The following AGBL1 variants were observed in gnomAD, a reference collection of about 807,000 sequenced individuals.
The protein encoded by AGBL1 is AGBL carboxypeptidase 1.
Under a neutral mutation model 118.9 loss-of-function variants are expected in AGBL1, and 130 were observed. The observed-to-expected ratio is 1.09, with a 90% confidence interval of 0.95 to 1.26. The LOEUF is 1.26. AGBL1 is among the 50% of genes most tolerant of loss of function. The pLI is 0.00. For synonymous variants in AGBL1, 555 were observed against 478.9 expected (o/e 1.16, Z -2.08); for missense variants, 1,584 against 1,298.1 (o/e 1.22, Z -3.38).
At chr15:86,212,873 C>T (rs1447474539) in intron 5 of AGBL1, among the ~76,000 whole-genome samples, 1 of 152,210 alleles carries the variant, frequency 6.6e-6, no homozygotes, top group African/African-American at 2.4e-5. Flanking sequence ...TGGTTTCGAA[C>T]TGTTGACCTC....
intron 22 of AGBL1, among the ~76,000 whole-genome samples, chr15:86,869,068 C>G (rs767908886): frequency 6.6e-6 from 1 of 152,306 alleles, no homozygotes; most frequent in East Asian, 1.9e-4. Flanking sequence ...TGTCAACTGC[C>G]TTGGTGGCAG....
intron 17 of AGBL1, among the ~76,000 whole-genome samples, chr15:86,333,449 C>T (rs2141867282): frequency 6.6e-6 from 1 of 152,188 alleles, no homozygotes. Flanking sequence ...TGGATAAATT[C>T]CTGGAAACAC....
Position 86,264,393 on chromosome 15 carries a change from G to A in AGBL1, c.1222G>A (p.Glu408Lys). The A allele has an allele frequency of 6.2e-7, 1 of 1,613,926 alleles. No individual in the cohort carries two copies. The highest frequency in any genetic ancestry group is 8.5e-7 in the Non-Finnish European group (1 of 1,179,866). The change falls in exon 11 of 23, where the codon GAA becomes AAA. Residue 408 changes from glutamate (E) to lysine (K), a missense_variant. Transcript: ENST00000614907. ...KDQSSCGQER[E>K]YAVQTSLLCR... ...CCAAAGCTCCTGTGGGCAAGAAAGA[G>A]AATATGCTGTCCAGACTTCCCTTCT...
At chr15:86,672,437 T>C (rs778389849) in intron 21 of AGBL1, among the ~76,000 whole-genome samples, 4 of 152,174 alleles carry the variant, frequency 2.6e-5, no homozygotes, top group African/African-American at 9.7e-5. Context: ...GACTCCTTCT[T>C]TTAACCTCTA....
At chr15:86,473,635 T>C (rs753169945) in intron 18 of AGBL1, among the ~76,000 whole-genome samples, 2 of 152,202 alleles carry the variant, frequency 1.3e-5, no homozygotes, top group Non-Finnish European at 1.5e-5. Flanking sequence ...TCTGAGACAG[T>C]ATTTCAATGA....
chr15:86,225,019 C>T (rs965777654), intron 6 of AGBL1, 68 bp downstream of exon 6: 9 of 1,468,576 alleles, frequency 6.1e-6, no homozygotes, highest in African/African-American at 1.4e-5. Flanking sequence ...ACTTTCTGGT[C>T]CCCATGGCTG....
intron 20 of AGBL1, among the ~76,000 whole-genome samples, chr15:86,552,131 T>C (rs1307711665): frequency 6.6e-6 from 1 of 152,196 alleles, no homozygotes; most frequent in African/African-American, 2.4e-5. Context: ...TCATGTAAAC[T>C]ATAGACTTTG....
Position 86,909,793 on chromosome 15 carries a change from A to C in AGBL1, c.*2499A>C, listed in dbSNP as rs887584876. On this transcript the variant is annotated 3_prime_UTR_variant, in exon 23 of 23. Coordinates refer to ENST00000614907, the MANE Select transcript of AGBL1 (RefSeq NM_001386094.1). The stretch of plus-strand genomic sequence containing the variant: ...GAGGTGGGAATGATGCTAGCTTATC[A>C]TTAATTATTATTTCAGCCCAAATTA... 3 of 152,216 alleles carry C rather than the reference A, an allele frequency of 2.0e-5. No individual in the cohort carries two copies. Among genetic ancestry groups the C allele is most frequent in the African/African-American group, 7.2e-5 (3 of 41,460 alleles). The allele number at this position is 152,216 out of a possible 1,614,324, so 9.4% of individuals were successfully genotyped here. A position where few individuals can be genotyped will look rare whatever the true frequency, so the allele number is the denominator to read the frequency against.
At chr15:86,544,302 C>A (rs75228920) in intron 19 of AGBL1, among the ~76,000 whole-genome samples, 2,985 of 152,204 alleles carry the variant, frequency 0.02, 87 homozygotes, top group African/African-American at 0.068. Flanking sequence ...AGCAGCCCAG[C>A]CTATGTTTAC....
chr15:86,674,492 A>G (rs1234346406), intron 22 of AGBL1, 56 bp downstream of exon 22: 1 of 1,524,298 alleles, frequency 6.6e-7, no homozygotes, highest in South Asian at 1.2e-5. Context: ...CCATTGCTCA[A>G]TATCTCAGTA....
chr15:86,476,714 C>T (rs1419830772), intron 18 of AGBL1, among the ~76,000 whole-genome samples: 2 of 152,176 alleles, frequency 1.3e-5, no homozygotes, highest in East Asian at 1.9e-4. Context: ...TTGAACTCAG[C>T]TCTGCACCAA....
intron 22 of AGBL1, among the ~76,000 whole-genome samples, chr15:86,688,641 A>G (rs1162672415): frequency 1.3e-5 from 2 of 152,180 alleles, no homozygotes; most frequent in African/African-American, 4.8e-5. Flanking sequence ...CATTACTCAA[A>G]CTACCAAATA....
chr15:86,256,913 C>G lies in AGBL1; in HGVS notation c.796C>G (p.Gln266Glu), dbSNP rs935027822. The G allele has an allele frequency of 6.2e-7, 1 of 1,613,814 alleles. No homozygotes were observed. Among genetic ancestry groups the G allele is most frequent in the Non-Finnish European group, 8.5e-7 (1 of 1,179,890 alleles). ...VISVVLQILR[Q>E]CYPTSPLPLV... The stretch of plus-strand genomic sequence containing the variant: ...CTCTGTGGTGCTTCAGATCCTGAGG[C>G]AGTGCTACCCTACGAGTCCACTTCC... Residue 266 changes from glutamine to glutamate, a missense_variant, in exon 8 of 23, where the codon CAG (glutamine) becomes GAG (glutamate). Physicochemically the swap from Gln to Glu is conservative, Grantham distance 29. Coordinates refer to ENST00000614907, the MANE Select transcript of AGBL1 (RefSeq NM_001386094.1).
At chr15:86,196,705 C>T (rs1426054229) in intron 5 of AGBL1, among the ~76,000 whole-genome samples, 1 of 152,022 alleles carries the variant, frequency 6.6e-6, no homozygotes, top group East Asian at 1.9e-4. Flanking sequence ...GAAGCCCTAA[C>T]CCCCAATGTT....
chr15:86,995,976 A>G (rs2081376646), intron 24 of AGBL1, among the ~76,000 whole-genome samples: 1 of 151,978 alleles, frequency 6.6e-6, no homozygotes, highest in African/African-American at 2.4e-5. Flanking sequence ...TTTTAGAGAT[A>G]CTCTTCTTCA....
intron 3 of AGBL1, among the ~76,000 whole-genome samples, chr15:86,145,959 A>G (rs2077028086): frequency 6.6e-6 from 1 of 152,140 alleles, no homozygotes; most frequent in South Asian, 2.1e-4. Flanking sequence ...GAAGAATGAG[A>G]AGTCAGTAAA....
intron 17 of AGBL1, among the ~76,000 whole-genome samples, chr15:86,382,686 CTTTCTT>C (rs2081128606): frequency 1.3e-5 from 2 of 151,820 alleles, no homozygotes; most frequent in Admixed American, 6.6e-5. Flanking sequence ...TTATTATTCT[CTTTCTT>C]TTTATTTTTC....
At position 86,637,526 on chromosome 15, in the gene AGBL1, C is replaced by T. The variant is rs547880601; in HGVS notation, c.2995-36747C>T. Reference sequence around the variant, plus strand: ...GCTAAAGTGTCAAGGAACTTAAAGGCGTGTTAATGATTCTGTGCTATGGGA... The same window carrying T: ...GCTAAAGTGTCAAGGAACTTAAAGGTGTGTTAATGATTCTGTGCTATGGGA... On this transcript the variant is annotated intron_variant, in intron 21 of 22. Transcript: ENST00000614907. Among the ~76,000 whole-genome samples, 145 of 152,192 alleles carry T rather than the reference C, an allele frequency of 9.5e-4. 1 individual carries two copies. The highest frequency in any genetic ancestry group is 3.3e-3 in the African/African-American group (139 of 41,548).
At chr15:86,207,119 G>GCC (rs2078007264) in intron 5 of AGBL1, among the ~76,000 whole-genome samples, 1 of 152,156 alleles carries the variant, frequency 6.6e-6, no homozygotes, top group South Asian at 2.1e-4. Flanking sequence ...TCAGATTATT[G>GCC]TAGATGTGTG....
Sources: allele counts gnomAD v4.1 joint callset (sites outside exome capture counted in the v4.1 genomes callset), GRCh38; gene constraint gnomAD v4.1.1; transcripts MANE v1.5; gene names NCBI Gene and HGNC (gene_info 2026-07-23, HGNC 2026-07-21).